OPCML: variants seen among roughly 807,000 people sequenced by gnomAD.
The protein encoded by OPCML is opioid binding protein/cell adhesion molecule like.
A neutral mutation model predicts 37.8 loss-of-function variants in OPCML; 13 were observed. That is an observed-to-expected ratio of 0.34 (90% CI 0.22 to 0.55). The LOEUF (loss-of-function observed/expected upper bound fraction) is 0.55. Among genes scored for constraint, OPCML ranks in the 20% least tolerant of loss-of-function variants. The pLI is 0.91. For missense variants in OPCML, 341 were observed against 435.6 expected (o/e 0.78, Z 1.93); for synonymous variants, 176 against 168.8 (o/e 1.04, Z -0.33).
chr11:133,094,881 T>A (rs747333209), intron 1 of OPCML, among the ~76,000 whole-genome samples: 2 of 152,148 alleles, frequency 1.3e-5, no homozygotes, highest in Non-Finnish European at 2.9e-5. Context: ...AAAATAGTAC[T>A]GGGATATAAT....
intron 2 of OPCML, among the ~76,000 whole-genome samples, chr11:132,701,762 T>TTTTG (rs1491195993): frequency 2.1e-5 from 3 of 142,718 alleles, no homozygotes; most frequent in African/African-American, 7.8e-5. Flanking sequence ...AATTTGATGA[T>TTTTG]TGTGTGTGTG....
chr11:133,106,313 T>C lies in OPCML; in HGVS notation c.62-163303A>G, dbSNP rs554492309. On this transcript the variant is annotated intron_variant, in intron 1 of 7. Coordinates refer to ENST00000524381, the MANE Select transcript of OPCML (RefSeq NM_001012393.5). The stretch of plus-strand genomic sequence containing the variant: ...CTGTCCATTTGGGCCTGCAGGTTTC[T>C]AGAAGGCAAGCATTGCACCCATTTA... Among the ~76,000 whole-genome samples the C allele has an allele frequency of 7.2e-5, 11 of 152,344 alleles. No homozygotes were observed. The East Asian group carries it at 1.9e-3, about 27-fold the overall frequency.
intron 4 of OPCML, among the ~76,000 whole-genome samples, chr11:132,466,985 CCACAGAACAACAA>C (rs1247416876): frequency 4.9e-4 from 75 of 152,198 alleles, no homozygotes; most frequent in Middle Eastern, 3.4e-3. Flanking sequence ...AGAGGGGTTT[CCACAGAACAACAA>C]AAAGGAACAG....
chr11:133,468,974 C>G (rs1055426469), intron 1 of OPCML, among the ~76,000 whole-genome samples: 3 of 152,142 alleles, frequency 2.0e-5, no homozygotes, highest in Non-Finnish European at 2.9e-5. Flanking sequence ...AGGATAGTCA[C>G]CCGGGAACTG....
intron 1 of OPCML, among the ~76,000 whole-genome samples, chr11:133,310,596 T>C (rs544340063): frequency 7.4e-4 from 113 of 152,304 alleles, no homozygotes; most frequent in African/African-American, 2.5e-3. Flanking sequence ...CCCTGTACTT[T>C]CCCAGCAGGC....
chr11:132,947,483 C>A (rs922686134), intron 1 of OPCML, among the ~76,000 whole-genome samples: 8 of 152,296 alleles, frequency 5.3e-5, no homozygotes, highest in African/African-American at 1.9e-4. Context: ...GGGCTCAACT[C>A]ATGGGCTAGC....
chr11:132,741,989 G>A (rs553412409), intron 2 of OPCML, among the ~76,000 whole-genome samples: 83 of 151,092 alleles, frequency 5.5e-4, no homozygotes, highest in Non-Finnish European at 8.6e-4. Context: ...AGATTGCACC[G>A]TTGTACTCCA....
chr11:133,134,528 A>G (rs1949653186), intron 1 of OPCML, among the ~76,000 whole-genome samples: 1 of 152,124 alleles, frequency 6.6e-6, no homozygotes, highest in African/African-American at 2.4e-5. Context: ...AGGGCAGTGG[A>G]GGCAGGAGAG....
intron 2 of OPCML, among the ~76,000 whole-genome samples, chr11:132,694,490 C>A (rs1943532560): frequency 6.6e-6 from 1 of 152,060 alleles, no homozygotes; most frequent in African/African-American, 2.4e-5. Context: ...AGCCACCGTG[C>A]CTGGCCAAGT....
At chr11:132,944,309 C>A (rs993148940) in intron 1 of OPCML, among the ~76,000 whole-genome samples, 1 of 152,178 alleles carries the variant, frequency 6.6e-6, no homozygotes, top group Non-Finnish European at 1.5e-5. Flanking sequence ...GTTGACAAAC[C>A]CCGCCCTGGA....
intron 1 of OPCML, among the ~76,000 whole-genome samples, chr11:133,123,171 G>A (rs946779027): frequency 1.3e-5 from 2 of 152,194 alleles, no homozygotes; most frequent in Non-Finnish European, 2.9e-5. Flanking sequence ...ACATCATGCA[G>A]TAAGAAATTC....
intron 1 of OPCML, among the ~76,000 whole-genome samples, chr11:133,239,596 C>G (rs1033093007): frequency 6.6e-6 from 1 of 152,244 alleles, no homozygotes; most frequent in Non-Finnish European, 1.5e-5. Context: ...ACACCCCACC[C>G]GCTGCCTGCC....
intron 2 of OPCML, among the ~76,000 whole-genome samples, chr11:132,707,901 T>G (rs1187228422): frequency 6.6e-6 from 1 of 152,158 alleles, no homozygotes; most frequent in African/African-American, 2.4e-5. Flanking sequence ...CTGAAAACAG[T>G]TCATTTGGGT....
chr11:133,468,907 T>A (rs1947036989), intron 1 of OPCML, among the ~76,000 whole-genome samples: 1 of 152,148 alleles, frequency 6.6e-6, no homozygotes, highest in Non-Finnish European at 1.5e-5. Flanking sequence ...AAACAATTAT[T>A]GATAATCAGG....
chr11:132,683,444 C>G, intron 2 of OPCML, among the ~76,000 whole-genome samples: 1 of 152,218 alleles, frequency 6.6e-6, no homozygotes, highest in Non-Finnish European at 1.5e-5. Context: ...ATATGCTGCT[C>G]AGACTGGAAA....
intron 1 of OPCML, among the ~76,000 whole-genome samples, chr11:133,163,804 C>T (rs1380555551): frequency 1.3e-5 from 2 of 152,296 alleles, no homozygotes; most frequent in East Asian, 1.9e-4. Context: ...ATAGCAGCTG[C>T]GGTTCAAATG....
chr11:132,568,189 G>A (rs754954826), intron 3 of OPCML, among the ~76,000 whole-genome samples: 2 of 152,056 alleles, frequency 1.3e-5, no homozygotes, highest in Admixed American at 6.5e-5. Flanking sequence ...CATTAATCAC[G>A]TAATTTCATC....
intron 2 of OPCML, among the ~76,000 whole-genome samples, chr11:132,850,578 T>A (rs1395473706): frequency 6.6e-6 from 1 of 152,064 alleles, no homozygotes; most frequent in African/African-American, 2.4e-5. Flanking sequence ...AAATCACTCA[T>A]GTGTATAGTT....
chr11:132,503,049 G>A (rs2096248985), intron 4 of OPCML, among the ~76,000 whole-genome samples: 1 of 152,174 alleles, frequency 6.6e-6, no homozygotes, highest in South Asian at 2.1e-4. Context: ...AAGGTCCCCT[G>A]GCAGCAGAGT....
Sources: allele counts gnomAD v4.1 joint callset (sites outside exome capture counted in the v4.1 genomes callset), GRCh38; gene constraint gnomAD v4.1.1; transcripts MANE v1.5; gene names NCBI Gene and HGNC (gene_info 2026-07-23, HGNC 2026-07-21).